Variants in DPP6 observed in about 807,000 individuals in gnomAD.
DPP6 encodes the protein A-type potassium channel modulatory protein DPP6.
DPP6 carries 69 observed loss-of-function variants against 122.6 expected under a neutral mutation model. The ratio of observed to expected loss-of-function variants is 0.56; its 90% CI spans 0.46 to 0.69. The LOEUF is 0.69. DPP6 is among the 30% of genes least tolerant of loss of function. DPP6 has a pLI of 0.00. For missense variants in DPP6, 928 were observed against 1,116.9 expected (o/e 0.83, Z 2.41); for synonymous variants, 418 against 433.1 (o/e 0.97, Z 0.43).
intron 7 of DPP6, among the ~76,000 whole-genome samples, chr7:154,671,184 A>C (rs1419051165): frequency 6.6e-6 from 1 of 151,910 alleles, no homozygotes. Context: ...TGACTTTAAA[A>C]CCCTCTGAAA....
chr7:154,322,095 C>T (rs1367429823), intron 1 of DPP6, among the ~76,000 whole-genome samples: 2 of 149,568 alleles, frequency 1.3e-5, no homozygotes, highest in African/African-American at 4.9e-5. Context: ...CAGACCCTCA[C>T]CCTCCCCCAC....
chr7:154,892,350 G>A lies in DPP6; in HGVS notation c.2468G>A (p.Ser823Asn), dbSNP rs1806687336. 6.2e-7 allele frequency: 1 copy of A among 1,613,914 alleles called. No individual in the cohort carries two copies. The highest frequency in any genetic ancestry group is 1.7e-5 in the Admixed American group (1 of 60,008). ...NYSLQIYPDESHYFTSSSLKQ... is the reference protein window; with the variant it reads ...NYSLQIYPDENHYFTSSSLKQ... ...TCCTTGCAGATTTACCCGGACGAAA[G>A]CCATTACTTTACCAGCTCCAGCCTC... The change falls in exon 26 of 26, where the codon AGC becomes AAC. Residue 823 changes from serine (S) to asparagine (N), a missense_variant. Ser to Asn is a conservative substitution (Grantham distance 46). Coordinates refer to ENST00000377770, the MANE Select transcript of DPP6 (RefSeq NM_130797.4).
chr7:154,460,724 A>G (rs1821224376), intron 2 of DPP6, among the ~76,000 whole-genome samples: 2 of 152,228 alleles, frequency 1.3e-5, no homozygotes, highest in African/African-American at 4.8e-5. Flanking sequence ...CTGTGGGTAC[A>G]TAGTAGGTAT....
At chr7:154,737,215 T>C (rs1370412708) in intron 8 of DPP6, among the ~76,000 whole-genome samples, 3 of 152,212 alleles carry the variant, frequency 2.0e-5, no homozygotes, top group Non-Finnish European at 2.9e-5. Context: ...TCGAGAGCGC[T>C]ATGAAGAAAG....
chr7:154,839,010 C>G (rs1801304648), intron 16 of DPP6: 1 of 152,164 alleles, frequency 6.6e-6, no homozygotes, highest in African/African-American at 2.4e-5. Flanking sequence ...ACCATCTCAC[C>G]ATATGCCCAT....
intron 3 of DPP6, among the ~76,000 whole-genome samples, chr7:154,531,524 G>T (rs1435972292): frequency 1.3e-5 from 2 of 152,058 alleles, no homozygotes; most frequent in Non-Finnish European, 2.9e-5. Flanking sequence ...CATACAAAAA[G>T]AAATCCTAAG....
intron 2 of DPP6, among the ~76,000 whole-genome samples, chr7:154,456,880 C>T (rs1820876431): frequency 1.5e-5 from 1 of 64,678 alleles, no homozygotes. Flanking sequence ...GACAATTTGA[C>T]TTCCTCTTTT....
chr7:154,863,905 C>A lies in DPP6; in HGVS notation c.1715-4090C>A, dbSNP rs73487804. On this transcript the variant is annotated intron_variant, in intron 17 of 25. Transcript: ENST00000377770. This position sits in a 1 kb window ranked among gnomAD's most constrained non-coding sequence, Gnocchi z 4.1. ...GGGCTCTGGGCCTGAATCTGGTCTT[C>A]GAATATGACTAATGGCCTAGCCCTG... 6.6e-6 allele frequency among the ~76,000 whole-genome samples: 1 copy of A among 152,206 alleles called. No homozygotes were observed. The highest frequency in any genetic ancestry group is 6.5e-5 in the Admixed American group (1 of 15,300).
intron 10 of DPP6, among the ~76,000 whole-genome samples, chr7:154,792,340 C>T (rs1587153366): frequency 6.6e-6 from 1 of 152,246 alleles, no homozygotes; most frequent in South Asian, 2.1e-4. Context: ...CACGCTTCAG[C>T]GTCCTCCAGT....
intron 1 of DPP6, among the ~76,000 whole-genome samples, chr7:154,424,244 G>A (rs541587973): frequency 4.7e-4 from 72 of 152,318 alleles, no homozygotes; most frequent in African/African-American, 1.5e-3. Context: ...AAGAAAACCT[G>A]CTAGGTGATG....
intron 1 of DPP6, among the ~76,000 whole-genome samples, chr7:154,196,299 G>T (rs569285264): frequency 6.6e-6 from 1 of 152,308 alleles, no homozygotes; most frequent in Middle Eastern, 3.4e-3. Flanking sequence ...AGACCAGCCT[G>T]GCCAACATGG....
At chr7:154,297,065 T>TG (rs1353267725) in intron 1 of DPP6, among the ~76,000 whole-genome samples, 5 of 130,318 alleles carry the variant, frequency 3.8e-5, no homozygotes, top group Non-Finnish European at 6.2e-5. Context: ...TGTATTCTGT[T>TG]TTTTTTTTTT....
chr7:154,410,553 A>C (rs1429538757), intron 1 of DPP6, among the ~76,000 whole-genome samples: 1 of 152,198 alleles, frequency 6.6e-6, no homozygotes, highest in African/African-American at 2.4e-5. Flanking sequence ...GATATGCAAT[A>C]CTTTTTTTCT....
intron 5 of DPP6, among the ~76,000 whole-genome samples, chr7:154,610,165 C>G (rs1236462302): frequency 2.0e-5 from 3 of 152,090 alleles, no homozygotes; most frequent in Admixed American, 2.0e-4. Context: ...ACCCATAGTC[C>G]AACTGAAGAG....
At chr7:154,376,898 A>T (rs897956508) in intron 1 of DPP6, among the ~76,000 whole-genome samples, 5 of 152,196 alleles carry the variant, frequency 3.3e-5, no homozygotes, top group African/African-American at 4.8e-5. Context: ...GAAATCATAT[A>T]GTTTCCCAGC....
rs2533790 is a variant in DPP6 at position 154,033,446 on chromosome 7, G to A, written c.51+145712G>A. 2.6e-3 allele frequency among the ~76,000 whole-genome samples: 388 copies of A among 151,998 alleles called. 1 individual carries two copies. The highest frequency in any genetic ancestry group is 8.2e-3 in the African/African-American group (337 of 41,252). On this transcript the variant is annotated intron_variant, in intron 1 of 25. Coordinates refer to the DPP6 transcript ENST00000404039. ...TAAATGAAGACAGTCAAACTGAATC[G>A]TTTCCAAGTCCCCGTCCAGCATTTA... is the stretch of plus-strand genomic sequence containing the variant.
chr7:154,187,375 T>C (rs1412090853), intron 1 of DPP6, among the ~76,000 whole-genome samples: 1 of 152,202 alleles, frequency 6.6e-6, no homozygotes, highest in Non-Finnish European at 1.5e-5. Context: ...TTAAGTGGCT[T>C]TGCTGTTTAG....
intron 3 of DPP6, among the ~76,000 whole-genome samples, chr7:154,495,854 G>T (rs964595284): frequency 5.3e-5 from 8 of 152,166 alleles, no homozygotes; most frequent in Non-Finnish European, 7.3e-5. Context: ...GTACCCAGAT[G>T]CAGGAAGGGA....
intron 1 of DPP6, among the ~76,000 whole-genome samples, chr7:154,335,375 A>G (rs754784363): frequency 4.6e-5 from 7 of 152,218 alleles, no homozygotes; most frequent in Non-Finnish European, 8.8e-5. Flanking sequence ...TACTTATTTC[A>G]CCTAACAAAT....
Sources: allele counts gnomAD v4.1 joint callset (sites outside exome capture counted in the v4.1 genomes callset), GRCh38; gene constraint gnomAD v4.1.1; non-coding constraint Gnocchi (gnomAD v3.1); transcripts MANE v1.5; gene names NCBI Gene and HGNC (gene_info 2026-07-23, HGNC 2026-07-21).